BAZ2B: variants seen among roughly 807,000 people sequenced by gnomAD.
BAZ2B encodes bromodomain adjacent to zinc finger domain 2B.
Under a neutral mutation model 246.0 loss-of-function variants are expected in BAZ2B, and 91 were observed. That is an observed-to-expected ratio of 0.37 (90% CI 0.31 to 0.44). BAZ2B has a LOEUF of 0.44. Ranked by LOEUF, BAZ2B falls within the 20% of genes least tolerant of loss-of-function variation. The probability of loss-of-function intolerance (pLI) is 1.00; values close to 1 mark genes in which losing one functional copy is unlikely to be tolerated. For missense variants in BAZ2B, 2,332 were observed against 2,533.7 expected (o/e 0.92, Z 1.71); for synonymous variants, 855 against 860.0 (o/e 0.99, Z 0.10).
At chr2:159,639,076 C>T in the BAZ2B span, among the ~76,000 whole-genome samples, 1 of 152,038 alleles carries the variant, frequency 6.6e-6, no homozygotes, top group Non-Finnish European at 1.5e-5. Context: ...ACTTACAGGC[C>T]AGGAGAGAGT....
chr2:159,352,893 T>G (rs2149187872), intron 27 of BAZ2B, among the ~76,000 whole-genome samples: 1 of 152,310 alleles, frequency 6.6e-6, no homozygotes, highest in South Asian at 2.1e-4. Context: ...TAGTCCCAGC[T>G]ACTTGGGAGG....
intron 22 of BAZ2B, 56 bp from the exon 23 acceptor site, chr2:159,385,425 A>G (rs1469015): frequency 0.71 from 1,032,453 of 1,447,730 alleles, 376,887 homozygotes; most frequent in Non-Finnish European, 0.76. Flanking sequence ...TACCATAAAA[A>G]CAATAAGATT....
At chr2:159,333,933 A>G (rs1429893841) in intron 33 of BAZ2B, among the ~76,000 whole-genome samples, 1 of 152,138 alleles carries the variant, frequency 6.6e-6, no homozygotes, top group Non-Finnish European at 1.5e-5. Context: ...TCCAATAATC[A>G]GTATCTATTT....
intron 8 of BAZ2B, chr2:159,433,886 C>G (rs150073854): frequency 4.3e-4 from 66 of 153,952 alleles, no homozygotes; most frequent in Admixed American, 1.2e-3. Flanking sequence ...AAAATAGATA[C>G]AATACACCTA....
intron 2 of BAZ2B, among the ~76,000 whole-genome samples, chr2:159,489,849 G>T (rs898115302): frequency 2.6e-5 from 4 of 152,152 alleles, no homozygotes; most frequent in Admixed American, 1.3e-4. Context: ...GGAGTTTTAG[G>T]CTGCAATGAG....
chr2:159,710,830 C>G, the BAZ2B span: 1 of 152,154 alleles, frequency 6.6e-6, no homozygotes, highest in Admixed American at 6.5e-5. Flanking sequence ...GGTCTGACTG[C>G]CATAGCTCAG....
chr2:159,479,310 G>C (rs914614110), intron 2 of BAZ2B, among the ~76,000 whole-genome samples: 2 of 152,016 alleles, frequency 1.3e-5, no homozygotes, highest in African/African-American at 4.8e-5. Flanking sequence ...AATGACAAAA[G>C]CACTTCTAAT....
chr2:159,613,164 T>A (rs1181619773), intron 1 of BAZ2B, among the ~76,000 whole-genome samples: 1 of 152,070 alleles, frequency 6.6e-6, no homozygotes, highest in African/African-American at 2.4e-5. Flanking sequence ...AACTCAAAAA[T>A]TAAAACTAAA....
At chr2:159,637,718 C>A in the BAZ2B span, among the ~76,000 whole-genome samples, 5 of 152,158 alleles carry the variant, frequency 3.3e-5, no homozygotes, top group South Asian at 8.3e-4. Context: ...CCACCATGCC[C>A]GAGTAATTTT....
intron 13 of BAZ2B, among the ~76,000 whole-genome samples, chr2:159,412,974 C>T (rs1049079386): frequency 1.2e-4 from 19 of 152,180 alleles, no homozygotes; most frequent in African/African-American, 4.3e-4. Context: ...ATAAATATTA[C>T]AGCTAACAAA....
Position 159,466,897 on chromosome 2 carries a change from C to T in BAZ2B, c.145+11678G>A, listed in dbSNP as rs74395022. On this transcript the variant is annotated intron_variant, in intron 3 of 36. Transcript: ENST00000392783. ...TGGGGAGGACAATGTGCTCTACTCA[C>T]TCCACTGATTCAATTGCTAAACACC... is the stretch of plus-strand genomic sequence containing the variant. Among the ~76,000 whole-genome samples the T allele has an allele frequency of 5.2e-3, 793 of 152,248 alleles. 3 individuals carry two copies. Among genetic ancestry groups the T allele is most frequent in the Non-Finnish European group, 8.4e-3 (569 of 68,004 alleles).
chr2:159,674,551 C>T, the BAZ2B span, among the ~76,000 whole-genome samples: 1 of 151,704 alleles, frequency 6.6e-6, no homozygotes, highest in African/African-American at 2.4e-5. Context: ...TGCATCTCTA[C>T]TAAAAAATAC....
At position 159,604,982 on chromosome 2, in the gene BAZ2B, A is replaced by C. The variant is rs531149149; in HGVS notation, c.-46+11260T>G. Reference sequence around the variant, plus strand: ...TGTGTGCGCGCGCTAGGAGAGAGAGAGAGCCAGGATCACACTCTGTTACCC... The same window carrying C: ...TGTGTGCGCGCGCTAGGAGAGAGAGCGAGCCAGGATCACACTCTGTTACCC... On this transcript the variant is annotated intron_variant, in intron 1 of 36. Coordinates refer to ENST00000392783, the MANE Select transcript of BAZ2B (RefSeq NM_013450.4). Among the ~76,000 whole-genome samples the C allele has an allele frequency of 3.3e-3, 504 of 152,048 alleles. 4 individuals carry two copies. Among genetic ancestry groups the C allele is most frequent in the Middle Eastern group, 0.01 (3 of 294 alleles).
chr2:159,399,646 A>G (rs1274539582), intron 17 of BAZ2B, among the ~76,000 whole-genome samples: 1 of 152,208 alleles, frequency 6.6e-6, no homozygotes, highest in Non-Finnish European at 1.5e-5. Context: ...AAACATTTTC[A>G]ATTTCCGGTT....
intron 1 of BAZ2B, among the ~76,000 whole-genome samples, chr2:159,602,035 C>T (rs892729367): frequency 3.9e-5 from 6 of 152,056 alleles, no homozygotes; most frequent in African/African-American, 1.4e-4. Context: ...AATCAACAGT[C>T]GGTAGGATGT....
intron 1 of BAZ2B, among the ~76,000 whole-genome samples, chr2:159,577,953 C>A (rs1483784756): frequency 6.6e-6 from 1 of 152,152 alleles, no homozygotes; most frequent in Non-Finnish European, 1.5e-5. Context: ...AAAGCTACAT[C>A]AAATTGTCTG....
intron 7 of BAZ2B, 154 bp from the exon 8 acceptor site, chr2:159,438,849 T>C (rs941618656): frequency 8.3e-7 from 1 of 1,204,742 alleles, no homozygotes; most frequent in East Asian, 2.4e-5. Context: ...AGAAATACCG[T>C]ATGTCCCTTT....
intron 13 of BAZ2B, among the ~76,000 whole-genome samples, chr2:159,413,863 CA>C (rs146593103): frequency 0.14 from 22,019 of 151,888 alleles, 2,240 homozygotes; most frequent in Admixed American, 0.35. Context: ...GGAGGTCGCT[CA>C]AAAAACTAAA....
chr2:159,394,368 T>C (rs895834656), intron 20 of BAZ2B, among the ~76,000 whole-genome samples: 1 of 152,086 alleles, frequency 6.6e-6, no homozygotes, highest in Admixed American at 6.5e-5. Context: ...ATACGTTACC[T>C]CTCTCTTTCC....
Sources: allele counts gnomAD v4.1 joint callset (sites outside exome capture counted in the v4.1 genomes callset), GRCh38; gene constraint gnomAD v4.1.1; transcripts MANE v1.5; gene names NCBI Gene and HGNC (gene_info 2026-07-23, HGNC 2026-07-21).